WDR70: variants seen among roughly 807,000 people sequenced by gnomAD.
WDR70 encodes the protein WD repeat domain 70, also known as WD repeat-containing protein 70.
In WDR70, 53 loss-of-function variants were observed where a neutral mutation model predicts 88.6. That is an observed-to-expected ratio of 0.60 (90% confidence interval 0.48 to 0.75). The LOEUF (loss-of-function observed/expected upper bound fraction) is 0.75. Ranked by LOEUF, WDR70 falls within the 30% of genes least tolerant of loss-of-function variation. WDR70 has a pLI of 0.00. For synonymous variants in WDR70, 280 were observed against 270.0 expected (o/e 1.04, Z -0.36); for missense variants, 610 against 823.2 (o/e 0.74, Z 3.17).
At chr5:37,461,519 T>C (rs1291079634) in intron 7 of WDR70, among the ~76,000 whole-genome samples, 3 of 151,992 alleles carry the variant, frequency 2.0e-5, no homozygotes, top group Non-Finnish European at 4.4e-5. Flanking sequence ...AGTCTCACTC[T>C]GTTGCCCAGG....
At chr5:37,601,985 C>T (rs371418211) in intron 9 of WDR70, among the ~76,000 whole-genome samples, 10 of 151,368 alleles carry the variant, frequency 6.6e-5, no homozygotes, top group Admixed American at 5.3e-4. Flanking sequence ...AACCAAACAC[C>T]GCATGTTCTC....
intron 5 of WDR70, among the ~76,000 whole-genome samples, chr5:37,427,748 G>A (rs10941330): frequency 6.6e-6 from 1 of 152,014 alleles, no homozygotes; most frequent in Non-Finnish European, 1.5e-5. Context: ...ATAGCTGGGC[G>A]TGGTGGCGCG....
In WDR70 at chr5:37,493,109, C is replaced by T. The variant is rs190629191; in HGVS notation, c.840+13122C>T. Among the ~76,000 whole-genome samples the T allele has an allele frequency of 1.2e-3, 185 of 152,292 alleles. 1 individual carries two copies. The highest frequency in any genetic ancestry group is 4.0e-3 in the African/African-American group (168 of 41,570). Reference sequence around the variant, plus strand: ...TTTGTGGGTTTGGCTTTCATCATTACTTAATATGTTTGTTTTTTACAGAAC... The same window carrying T: ...TTTGTGGGTTTGGCTTTCATCATTATTTAATATGTTTGTTTTTTACAGAAC... On this transcript the variant is annotated intron_variant, in intron 8 of 17. Coordinates refer to ENST00000265107, the MANE Select transcript of WDR70 (RefSeq NM_018034.4).
intron 9 of WDR70, among the ~76,000 whole-genome samples, chr5:37,584,646 T>C (rs1400506151): frequency 2.0e-5 from 3 of 152,148 alleles, no homozygotes; most frequent in African/African-American, 7.2e-5. Flanking sequence ...TGTATTATAC[T>C]TCAGAGGCAT....
chr5:37,530,290 A>G (rs1281359344), intron 9 of WDR70, among the ~76,000 whole-genome samples: 3 of 152,010 alleles, frequency 2.0e-5, no homozygotes, highest in Admixed American at 1.3e-4. Context: ...GTCCTTCCCT[A>G]TTTTGGGTAT....
chr5:37,576,027 TTTCCTTCCTTCC>T (rs369405090), intron 9 of WDR70, among the ~76,000 whole-genome samples: 23 of 150,668 alleles, frequency 1.5e-4, no homozygotes, highest in Middle Eastern at 3.4e-3. Context: ...AAAAAGCAGA[TTTCCTTCCTTCC>T]TTCCTTCCTT....
chr5:37,620,380 C>T (rs1006138019), intron 10 of WDR70, among the ~76,000 whole-genome samples: 1 of 152,118 alleles, frequency 6.6e-6, no homozygotes, highest in Non-Finnish European at 1.5e-5. Flanking sequence ...GCAAATCACT[C>T]CATTTTTCAG....
chr5:37,683,453 T>C (rs1414364920), intron 10 of WDR70, among the ~76,000 whole-genome samples: 2 of 152,220 alleles, frequency 1.3e-5, no homozygotes, highest in South Asian at 2.1e-4. Flanking sequence ...TCTTTGTACT[T>C]AAGTGTGTTT....
intron 4 of WDR70, among the ~76,000 whole-genome samples, chr5:37,394,354 G>A (rs1748943848): frequency 6.6e-6 from 1 of 151,964 alleles, no homozygotes; most frequent in African/African-American, 2.4e-5. Flanking sequence ...ATCATAAGGG[G>A]GAAAATTTTG....
chr5:37,713,401 CAA>C (rs1747570973), intron 13 of WDR70, among the ~76,000 whole-genome samples: 1 of 152,146 alleles, frequency 6.6e-6, no homozygotes. Context: ...TCCTTTGAAA[CAA>C]TAGAAATAGT....
At chr5:37,498,813 G>A (rs1441439272) in intron 8 of WDR70, among the ~76,000 whole-genome samples, 2 of 152,208 alleles carry the variant, frequency 1.3e-5, no homozygotes, top group Non-Finnish European at 2.9e-5. Context: ...ACATTTGTGT[G>A]TAGGTTTCGT....
chr5:37,522,457 T>TGA (rs35725198), intron 9 of WDR70, among the ~76,000 whole-genome samples: 34,307 of 123,248 alleles, frequency 0.28, 5,087 homozygotes, highest in East Asian at 0.49. Flanking sequence ...GGTGATGGAG[T>TGA]GAGACTCTGT....
chr5:37,398,309 C>A (rs548383504), intron 5 of WDR70, among the ~76,000 whole-genome samples: 1 of 151,846 alleles, frequency 6.6e-6, no homozygotes, highest in South Asian at 2.1e-4. Flanking sequence ...AGGATGGTCT[C>A]GATCTCCTGA....
chr5:37,458,009 T>G (rs1162194413), intron 7 of WDR70, among the ~76,000 whole-genome samples: 1 of 135,872 alleles, frequency 7.4e-6, no homozygotes, highest in Non-Finnish European at 1.6e-5. Flanking sequence ...CATCAATACC[T>G]AATTTATTGA....
chr5:37,737,601 A>C (rs1748338293), intron 17 of WDR70, among the ~76,000 whole-genome samples: 1 of 152,158 alleles, frequency 6.6e-6, no homozygotes. Context: ...ACCAATGCCA[A>C]GCTTTCGTGC....
At chr5:37,382,744 G>A (rs545479896) in intron 3 of WDR70, among the ~76,000 whole-genome samples, 3 of 152,114 alleles carry the variant, frequency 2.0e-5, no homozygotes, top group Non-Finnish European at 4.4e-5. Flanking sequence ...CAGGTGTAAT[G>A]GCTCATGCCT....
At chr5:37,673,395 T>C (rs191090298) in intron 10 of WDR70, among the ~76,000 whole-genome samples, 1 of 152,286 alleles carries the variant, frequency 6.6e-6, no homozygotes, top group Admixed American at 6.5e-5. Flanking sequence ...TAGAACCATG[T>C]CTATTCCTTT....
At position 37,743,462 on chromosome 5, in the gene WDR70, C is replaced by G. The variant is rs574672600; in HGVS notation, c.1878-9024C>G. 4.4e-4 allele frequency among the ~76,000 whole-genome samples: 67 copies of G among 152,358 alleles called. 1 individual carries two copies. Among genetic ancestry groups the G allele is most frequent in the African/African-American group, 1.5e-3 (61 of 41,594 alleles). ...CTGGCTATGGCTGCCTGCTATTTGG[C>G]TCCTTGTGGGAGGGGCAGCAGCTAG... On this transcript the variant is annotated intron_variant, in intron 17 of 17. Coordinates refer to ENST00000265107, the MANE Select transcript of WDR70 (RefSeq NM_018034.4).
intron 7 of WDR70, among the ~76,000 whole-genome samples, chr5:37,469,574 G>T (rs889959609): frequency 6.6e-6 from 1 of 152,198 alleles, no homozygotes; most frequent in Non-Finnish European, 1.5e-5. Flanking sequence ...ATTTAATTGG[G>T]AGTAACAGAA....
Sources: gnomAD v4.1 joint callset for allele counts (sites outside exome capture counted in the v4.1 genomes callset) on GRCh38, gnomAD v4.1.1 for gene constraint, MANE v1.5 for transcripts, NCBI Gene and HGNC (gene_info 2026-07-23, HGNC 2026-07-21) for gene names.